Variants in CFAP54 observed in about 807,000 individuals in gnomAD.
CFAP54 encodes cilia and flagella associated protein 54.
A neutral mutation model predicts 370.4 loss-of-function variants in CFAP54; 290 were observed. That is an observed-to-expected ratio of 0.78 (90% CI 0.71 to 0.86). The LOEUF is 0.86. Ranked by LOEUF, CFAP54 falls within the 40% of genes least tolerant of loss-of-function variation. The pLI is 0.00. For missense variants in CFAP54, 3,399 were observed against 3,528.7 expected (o/e 0.96, Z 0.93); for synonymous variants, 1,206 against 1,236.5 (o/e 0.98, Z 0.52).
At chr12:96,701,993 C>T (rs1025623437) in intron 46 of CFAP54, among the ~76,000 whole-genome samples, 8 of 152,080 alleles carry the variant, frequency 5.3e-5, no homozygotes, top group African/African-American at 1.9e-4. Context: ...GAGGCTGTTG[C>T]AGATAATCTG....
chr12:96,873,933 C>T (rs2136475653), intron 67 of CFAP54, among the ~76,000 whole-genome samples: 1 of 152,204 alleles, frequency 6.6e-6, no homozygotes. Flanking sequence ...TCAAAGATTA[C>T]CTGACTAGAG....
chr12:96,519,934 C>T (rs1955284288), intron 6 of CFAP54, among the ~76,000 whole-genome samples: 1 of 152,208 alleles, frequency 6.6e-6, no homozygotes, highest in Non-Finnish European at 1.5e-5. Context: ...CTTCCCTCCT[C>T]GTTTAGTTTT....
At chr12:96,612,327 C>T (rs1297967630) in intron 26 of CFAP54, among the ~76,000 whole-genome samples, 1 of 152,144 alleles carries the variant, frequency 6.6e-6, no homozygotes, top group African/African-American at 2.4e-5. Flanking sequence ...CCTTTACAGA[C>T]AAGCAAATGC....
intron 63 of CFAP54, among the ~76,000 whole-genome samples, chr12:96,800,407 A>G (rs1486828961): frequency 6.6e-6 from 1 of 152,224 alleles, no homozygotes; most frequent in Non-Finnish European, 1.5e-5. Context: ...GATTTTCTCT[A>G]GTCACAAGAA....
At chr12:96,635,712 A>G (rs949213562) in intron 32 of CFAP54, among the ~76,000 whole-genome samples, 3 of 152,230 alleles carry the variant, frequency 2.0e-5, no homozygotes, top group African/African-American at 4.8e-5. Flanking sequence ...ATAAATTCAG[A>G]GATTCCCTCC....
In CFAP54 at chr12:96,535,417, G is replaced by A. The variant is rs980850052; in HGVS notation, c.1706-98G>A. ...CATGATATTTGCCCGCCTATCATTT[G>A]TGTCATTTTTTTAGCATATTTGTGT... On this transcript the variant is annotated intron_variant, in intron 11 of 67. Transcript: ENST00000524981. 4.3e-6 allele frequency: 3 copies of A among 697,244 alleles called. No individual in the cohort carries two copies. The African/African-American group carries it at 6.3e-5, about 15-fold the overall frequency. 43.2% of individuals were successfully genotyped at this position (697,244 alleles called of 1,614,324 possible).
chr12:96,773,919 A>AT (rs1958489585), intron 60 of CFAP54, among the ~76,000 whole-genome samples: 2 of 152,142 alleles, frequency 1.3e-5, no homozygotes, highest in South Asian at 2.1e-4. Flanking sequence ...AAAATTTGAT[A>AT]TTTTTTGCCA....
At chr12:96,611,811 G>A (rs947783037) in intron 26 of CFAP54, among the ~76,000 whole-genome samples, 1 of 152,282 alleles carries the variant, frequency 6.6e-6, no homozygotes, top group African/African-American at 2.4e-5. Context: ...AAGATCAAAT[G>A]AATGAAATGA....
intron 65 of CFAP54, among the ~76,000 whole-genome samples, chr12:96,820,515 A>G (rs1035244036): frequency 1.3e-5 from 2 of 152,132 alleles, no homozygotes; most frequent in African/African-American, 4.8e-5. Flanking sequence ...TAGCCTTTGC[A>G]AAATGCCACT....
chr12:96,818,246 A>C (rs928459773), intron 65 of CFAP54, among the ~76,000 whole-genome samples: 2 of 152,244 alleles, frequency 1.3e-5, no homozygotes, highest in Non-Finnish European at 1.5e-5. Flanking sequence ...TTATTTAAAC[A>C]CTTTTATTTC....
chr12:96,794,774 TG>T (rs1958741339), intron 63 of CFAP54, among the ~76,000 whole-genome samples: 2 of 152,220 alleles, frequency 1.3e-5, no homozygotes, highest in African/African-American at 4.8e-5. Flanking sequence ...GATCCATTGC[TG>T]GTGAGCCAGA....
intron 23 of CFAP54, among the ~76,000 whole-genome samples, 179 bp downstream of exon 23, chr12:96,589,742 C>T (rs957275587): frequency 1.3e-5 from 2 of 151,454 alleles, no homozygotes; most frequent in Admixed American, 1.3e-4. Flanking sequence ...TAGAAACTTT[C>T]TTTCTTTCTT....
intron 66 of CFAP54, among the ~76,000 whole-genome samples, chr12:96,857,062 G>C (rs569031470): frequency 4.3e-4 from 66 of 152,290 alleles, no homozygotes; most frequent in African/African-American, 1.6e-3. Flanking sequence ...GCAGAGTGAG[G>C]TGAGGGAAAA....
chr12:96,528,276 A>G (rs76148820), intron 9 of CFAP54, among the ~76,000 whole-genome samples: 1,888 of 152,178 alleles, frequency 0.012, 29 homozygotes, highest in East Asian at 0.048. Context: ...TAATTTTAGC[A>G]AAAGCTTTCT....
At chr12:96,528,403 T>C (rs1382636028) in intron 9 of CFAP54, among the ~76,000 whole-genome samples, 1 of 152,184 alleles carries the variant, frequency 6.6e-6, no homozygotes, top group African/African-American at 2.4e-5. Flanking sequence ...GAGACTTTTC[T>C]TTCTTGTAAT....
intron 26 of CFAP54, among the ~76,000 whole-genome samples, chr12:96,605,009 A>T (rs1956285924): frequency 6.6e-6 from 1 of 152,180 alleles, no homozygotes; most frequent in South Asian, 2.1e-4. Context: ...CCCCAATGAG[A>T]TAAACCAGGT....
chr12:96,584,670 C>A (rs1460218598), intron 22 of CFAP54, among the ~76,000 whole-genome samples: 1 of 151,132 alleles, frequency 6.6e-6, no homozygotes, highest in Non-Finnish European at 1.5e-5. Context: ...ATTACAATGA[C>A]AGTAATACTT....
At chr12:96,519,186 C>T in intron 6 of CFAP54, 115 bp downstream of exon 6, 1 of 1,031,168 alleles carries the variant, frequency 9.7e-7, no homozygotes, top group Non-Finnish European at 1.3e-6. Context: ...GCAACGTCCA[C>T]CTCCCAGGTT....
chr12:96,571,773 A>AC (rs775371134), intron 19 of CFAP54, among the ~76,000 whole-genome samples: 8 of 151,942 alleles, frequency 5.3e-5, no homozygotes, highest in Non-Finnish European at 7.4e-5. Flanking sequence ...TAGTTGAAGA[A>AC]CCCCTTTAAA....
Sources: gnomAD v4.1 joint callset for allele counts (sites outside exome capture counted in the v4.1 genomes callset) on GRCh38, gnomAD v4.1.1 for gene constraint, MANE v1.5 for transcripts, NCBI Gene and HGNC (gene_info 2026-07-23, HGNC 2026-07-21) for gene names.